Variants in PPP1R12C observed in about 807,000 individuals in gnomAD.
PPP1R12C encodes the protein leukocyte receptor cluster (LRC) encoded novel gene 3.
A neutral mutation model predicts 95.6 loss-of-function variants in PPP1R12C; 48 were observed. The ratio of observed to expected loss-of-function variants is 0.50; its 90% CI spans 0.40 to 0.64. PPP1R12C has a LOEUF of 0.64. Among genes scored for constraint, PPP1R12C ranks in the 30% least tolerant of loss-of-function variants. PPP1R12C has a pLI of 0.00. For missense variants in PPP1R12C, 1,057 were observed against 1,083.3 expected (o/e 0.98, Z 0.34); for synonymous variants, 480 against 460.8 (o/e 1.04, Z -0.53).
chr19:55,098,694 A>G (rs1451212023), intron 6 of PPP1R12C, 90 bp downstream of exon 6: 26 of 1,500,286 alleles, frequency 1.7e-5, no homozygotes, highest in Non-Finnish European at 2.2e-5. Flanking sequence ...TGGGTGTCAG[A>G]AGTCGGGGGG....
At position 55,103,544 on chromosome 19, in the gene PPP1R12C, C is replaced by T. The variant is rs1255534032; in HGVS notation, c.596G>A (p.Arg199Gln). The change falls in exon 4 of 22, where the codon CGG becomes CAG. Residue 199 changes from arginine (R) to glutamine (Q), a missense_variant. Around this residue, in one of 5 missense-constraint regions of PPP1R12C, gnomAD observed 282 missense variants for 380.4 expected, o/e 0.74. Transcript: ENST00000263433. ...ATGAAGGAGCAATTCCTCTTCTGCC[C>T]GCTTGGCTGCTTCCACATCCACACC... The part of the protein sequence containing the change: ...RRGVDVEAAK[R>Q]AEEELLLHDT... 11 of 1,592,296 alleles carry T rather than the reference C, an allele frequency of 6.9e-6. No homozygotes were observed. The highest frequency in any genetic ancestry group is 4.5e-5 in the South Asian group (4 of 89,646).
intron 12 of PPP1R12C, 82 bp downstream of exon 12, chr19:55,094,579 C>T (rs1602974068): frequency 2.0e-5 from 30 of 1,528,680 alleles, no homozygotes; most frequent in East Asian, 7.0e-5. Flanking sequence ...CAGGAGCCCA[C>T]CCAAAGCCCC....
In PPP1R12C at chr19:55,117,493, A is replaced by AGCCGCCGCC; in HGVS notation, c.42_50dup (p.Ala16_Ala18dup). ...GCTGCTCCCGTCGCCGCTCCCGGGC[A>AGCCGCCGCC]GCCGCCGCCGCCGCCCCCGGGCCAG... is the stretch of plus-strand genomic sequence containing the variant. On this transcript the variant is annotated inframe_insertion, in exon 1 of 22. Coordinates refer to ENST00000263433, the MANE Select transcript of PPP1R12C (RefSeq NM_017607.4). 1 of 1,021,322 alleles carries AGCCGCCGCC rather than the reference A, an allele frequency of 9.8e-7. No individual in the cohort carries two copies. Among genetic ancestry groups the AGCCGCCGCC allele is most frequent in the Non-Finnish European group, 1.2e-6 (1 of 855,154 alleles). The allele number at this position is 1,021,322 out of a possible 1,614,324, so 63.3% of individuals were successfully genotyped here. A position where few individuals can be genotyped will look rare whatever the true frequency, so the allele number is the denominator to read the frequency against.
Position 55,092,880 on chromosome 19 carries a change from G to A in PPP1R12C, c.1826-12C>T, listed in dbSNP as rs749570683. 1.9e-6 allele frequency: 3 copies of A among 1,598,982 alleles called. No homozygotes were observed. The highest frequency in any genetic ancestry group is 1.1e-5 in the South Asian group (1 of 89,706). ...GTCGGGCGCCTCTGCTGGGGGAGGG[G>A]CAGGAATCAGCCCAGGCACCTCCAG... On this transcript the variant is annotated splice_polypyrimidine_tract_variant and intron_variant, in intron 15 of 21. Transcript: ENST00000263433.
At chr19:55,098,095 G>A (rs1319265536) in intron 6 of PPP1R12C, among the ~76,000 whole-genome samples, 1 of 152,196 alleles carries the variant, frequency 6.6e-6, no homozygotes, top group Non-Finnish European at 1.5e-5. Context: ...GAAGCCCTAG[G>A]CCTGGCCTTG....
Position 55,117,630 on chromosome 19 carries a change from C to A in PPP1R12C, c.-87G>T. 1.2e-6 allele frequency: 1 copy of A among 848,792 alleles called. No homozygotes were observed. Among genetic ancestry groups the A allele is most frequent in the Non-Finnish European group, 1.4e-6 (1 of 707,202 alleles). The allele number at this position is 848,792 out of a possible 1,614,324, so 52.6% of individuals were successfully genotyped here. A position where few individuals can be genotyped will look rare whatever the true frequency, so the allele number is the denominator to read the frequency against. On this transcript the variant is annotated 5_prime_UTR_variant, in exon 1 of 22. Transcript: ENST00000263433. ...CCCGCCCGCCCGCCCCGGGGGCCGC[C>A]GGGAACTGCCGCTGGCCCCCCACCG...
intron 3 of PPP1R12C, chr19:55,111,237 C>G (rs2085092636): frequency 6.6e-6 from 1 of 151,894 alleles, no homozygotes; most frequent in Admixed American, 6.6e-5. Flanking sequence ...CCAATGTGGT[C>G]ATAAATGCCC....
chr19:55,091,877 G>T lies in PPP1R12C; in HGVS notation c.2193C>A (p.Leu731=), dbSNP rs779275352. The T allele has an allele frequency of 5.6e-6, 9 of 1,613,380 alleles. No individual in the cohort carries two copies. The East Asian group carries it at 1.8e-4, about 32-fold the overall frequency. The change falls in exon 20 of 22, where the codon CTC becomes CTA. Residue 731 remains leucine, a synonymous_variant. Coordinates refer to ENST00000263433, the MANE Select transcript of PPP1R12C (RefSeq NM_017607.4). ...RQERFAERPA[L]LELERFERRA... is the part of the protein sequence containing the mutation. ...TACTCACGAATCTCTCCAGTTCCAG[G>T]AGGGCTGGCCTCTCAGCGAAGCGTT...
intron 4 of PPP1R12C, among the ~76,000 whole-genome samples, chr19:55,101,771 C>G (rs2084982276): frequency 1.3e-5 from 2 of 152,202 alleles, no homozygotes; most frequent in Non-Finnish European, 2.9e-5. Flanking sequence ...CAGTCAGCAA[C>G]AGAGCTGGGA....
chr19:55,104,960 T>TG (rs1180597878), intron 3 of PPP1R12C, among the ~76,000 whole-genome samples: 1 of 151,814 alleles, frequency 6.6e-6, no homozygotes, highest in Non-Finnish European at 1.5e-5. Flanking sequence ...TTAATAGAGA[T>TG]GGGGTTTCAT....
At position 55,098,821 on chromosome 19, in the gene PPP1R12C, A is replaced by T; in HGVS notation, c.914T>A (p.Leu305Gln). ...CCGGGCCAGTTCCTCCAACAGGCTCAGTACTTCCTCATCGGCCAGGTCACA... is the reference window on the plus strand; with the variant it reads ...CCGGGCCAGTTCCTCCAACAGGCTCTGTACTTCCTCATCGGCCAGGTCACA... ...RPCDLADEEVLSLLEELARKQ... is the reference protein window; with the variant it reads ...RPCDLADEEVQSLLEELARKQ... The change falls in exon 6 of 22, where the codon CTG becomes CAG. Residue 305 changes from leucine (L) to glutamine (Q), a missense_variant. By Grantham distance (113) the Leu-to-Gln change is moderately radical (BLOSUM62 -2). Coordinates refer to ENST00000263433, the MANE Select transcript of PPP1R12C (RefSeq NM_017607.4). 6.2e-7 allele frequency: 1 copy of T among 1,613,552 alleles called. No homozygotes were observed.
At chr19:55,096,462 T>C in intron 6 of PPP1R12C, 127 bp from the exon 7 acceptor site, 1 of 1,132,406 alleles carries the variant, frequency 8.8e-7, no homozygotes, top group South Asian at 1.3e-5. Flanking sequence ...GCTTACTGGT[T>C]TTCCTACAGA....
rs1410304319 is a variant in PPP1R12C at position 55,113,641 on chromosome 19, G to A, written c.322-846C>T. The A allele has an allele frequency of 1.3e-5, 16 of 1,240,112 alleles. No individual in the cohort carries two copies. In the East Asian group the frequency reaches 2.5e-4, roughly 20 times the overall value. The allele number at this position is 1,240,112 out of a possible 1,614,324, so 76.8% of individuals were successfully genotyped here. A position where few individuals can be genotyped will look rare whatever the true frequency, so the allele number is the denominator to read the frequency against. On this transcript the variant is annotated intron_variant, in intron 1 of 21. Transcript: ENST00000263433. ...AGTGAAGCTAAACTCCTAGATCCAC[G>A]GGATAAATTACCCCCCAAGTCCCTC...
chr19:55,091,935 G>T, intron 19 of PPP1R12C, 26 bp from the exon 20 acceptor site: 2 of 1,612,548 alleles, frequency 1.2e-6, no homozygotes, highest in East Asian at 2.2e-5. Flanking sequence ...AAAGCACAGG[G>T]GTCAGCAGAA....
intron 16 of PPP1R12C, 46 bp from the exon 17 acceptor site, chr19:55,092,708 AG>A (rs2084860121): frequency 6.5e-7 from 1 of 1,527,144 alleles, no homozygotes; most frequent in Non-Finnish European, 8.8e-7. Context: ...GAGGGACTTT[AG>A]CGGGTATGGG....
At position 55,091,683 on chromosome 19, in the gene PPP1R12C, T is replaced by TTCCAGGGCCCTGCGC; in HGVS notation, c.2214_2228dup (p.Arg740_Arg744dup). 6.3e-7 allele frequency: 1 copy of TTCCAGGGCCCTGCGC among 1,584,478 alleles called. No homozygotes were observed. The highest frequency in any genetic ancestry group is 8.6e-7 in the Non-Finnish European group (1 of 1,163,196). On this transcript the variant is annotated inframe_insertion, in exon 21 of 22. Transcript: ENST00000263433. ...CCTCCTCCAGCTCTGCGGCCTTGCG[T>TTCCAGGGCCCTGCGC]TCCAGGGCCCTGCGCTCCTGGAATG...
At chr19:55,094,616 C>T (rs760049632) in intron 12 of PPP1R12C, 45 bp downstream of exon 12, 1 of 1,542,048 alleles carries the variant, frequency 6.5e-7, no homozygotes, top group Non-Finnish European at 8.7e-7. Flanking sequence ...ATCGTCTCTC[C>T]CTGCTGGGGG....
At chr19:55,110,356 GGTGGGTGAGAGTGTAGCATCAAGGTT>G (rs2085082241) in intron 3 of PPP1R12C, among the ~76,000 whole-genome samples, 1 of 139,674 alleles carries the variant, frequency 7.2e-6, no homozygotes, top group African/African-American at 2.8e-5. Context: ...AGGTTGGTGC[GGTGGGTGAGAGTGTAGCATCAAGGTT>G]GGTGCGGTGG....
intron 3 of PPP1R12C, among the ~76,000 whole-genome samples, chr19:55,104,841 G>C (rs1046224923): frequency 1.3e-5 from 2 of 151,624 alleles, no homozygotes; most frequent in African/African-American, 4.8e-5. Flanking sequence ...GCATGATCTT[G>C]GCTCACTGCA....
Sources: allele counts gnomAD v4.1 joint callset (sites outside exome capture counted in the v4.1 genomes callset), GRCh38; gene constraint gnomAD v4.1.1; regional missense constraint gnomAD v4.1.1; transcripts MANE v1.5; gene names NCBI Gene and HGNC (gene_info 2026-07-23, HGNC 2026-07-21).